ZNF148: variants seen among roughly 807,000 people sequenced by gnomAD.
The protein encoded by ZNF148 is zinc finger protein 148.
Under a neutral mutation model 67.7 loss-of-function variants are expected in ZNF148, and 7 were observed. The observed-to-expected ratio is 0.10, with a 90% confidence interval of 0.06 to 0.19. The LOEUF (loss-of-function observed/expected upper bound fraction) is 0.19, where lower values mean the gene tolerates loss of function less well. Ranked by LOEUF, ZNF148 falls within the 10% of genes least tolerant of loss-of-function variation. The pLI, the probability that ZNF148 is intolerant of heterozygous loss-of-function variation, is 1.00. For synonymous variants in ZNF148, 333 were observed against 330.7 expected, an observed-to-expected ratio of 1.01 and a Z score of -0.08; for missense variants, 583 against 947.1, an observed-to-expected ratio of 0.62 and a Z score of 5.05.
intron 1 of ZNF148, chr3:125,357,079 C>A (rs4679388): frequency 0.33 from 50,641 of 152,104 alleles, 8,636 homozygotes; most frequent in East Asian, 0.45. Flanking sequence ...CTTCGGCGGC[C>A]CCCCCGCTGT....
chr3:125,308,762 C>G (rs944351948), intron 4 of ZNF148, among the ~76,000 whole-genome samples: 6 of 152,066 alleles, frequency 3.9e-5, no homozygotes, highest in Non-Finnish European at 5.9e-5. Flanking sequence ...TACACAAACA[C>G]GTACCAAGAG....
At chr3:125,318,940 GTA>G (rs1454172231) in intron 3 of ZNF148, among the ~76,000 whole-genome samples, 5 of 151,990 alleles carry the variant, frequency 3.3e-5, no homozygotes, top group African/African-American at 1.2e-4. Context: ...GTCTACAGGG[GTA>G]TCTAGGGGGC....
intron 1 of ZNF148, among the ~76,000 whole-genome samples, chr3:125,345,599 C>CAACAA (rs1553713897): frequency 1.1e-4 from 16 of 151,202 alleles, no homozygotes; most frequent in African/African-American, 3.9e-4. Flanking sequence ...ACAACAACAA[C>CAACAA]AAAAAAAGAC....
intron 3 of ZNF148, among the ~76,000 whole-genome samples, chr3:125,319,702 T>A (rs549459221): frequency 1.3e-5 from 2 of 152,222 alleles, no homozygotes; most frequent in East Asian, 3.8e-4. Flanking sequence ...ATTACCTTAC[T>A]TAATATTTAC....
Position 125,229,319 on chromosome 3 carries a change from A to C in ZNF148, c.*3022T>G, listed in dbSNP as rs1935758787. The C allele has an allele frequency of 6.6e-6, 1 of 152,004 alleles. No homozygotes were observed. Among genetic ancestry groups the C allele is most frequent in the Non-Finnish European group, 1.5e-5 (1 of 67,990 alleles). The allele number at this position is 152,004 out of a possible 1,614,324, so 9.4% of individuals were successfully genotyped here. A position where few individuals can be genotyped will look rare whatever the true frequency, so the allele number is the denominator to read the frequency against. On this transcript the variant is annotated 3_prime_UTR_variant, in exon 9 of 9. Coordinates refer to ENST00000360647, the MANE Select transcript of ZNF148 (RefSeq NM_021964.3). ...AAGTGTCTCTCCTCTGTGGAAACGA[A>C]ATCCTGCCCTGAGCACAATTCTTGA...
At chr3:125,292,165 G>C (rs1939052092) in intron 4 of ZNF148, among the ~76,000 whole-genome samples, 1 of 152,178 alleles carries the variant, frequency 6.6e-6, no homozygotes, top group Non-Finnish European at 1.5e-5. Context: ...ACAGGACAGG[G>C]AGGTGAAGCA....
chr3:125,374,522 G>C (rs1942996518), intron 1 of ZNF148, among the ~76,000 whole-genome samples: 1 of 151,814 alleles, frequency 6.6e-6, no homozygotes, highest in South Asian at 2.1e-4. Flanking sequence ...GAATCCTCAA[G>C]ACTCCTCCAC....
At position 125,226,782 on chromosome 3, in the gene ZNF148, T is replaced by C. The variant is rs1935655706; in HGVS notation, c.*5559A>G. 1 of 152,502 alleles carries C rather than the reference T, an allele frequency of 6.6e-6. No individual in the cohort carries two copies. The highest frequency in any genetic ancestry group is 2.4e-5 in the African/African-American group (1 of 41,450). 9.4% of individuals were successfully genotyped at this position (152,502 alleles called of 1,614,324 possible). ...AAACAATTCTATTTGGAGAGCAAAA[T>C]ATTTTAAAATATATCGACTTACCAA... On this transcript the variant is annotated 3_prime_UTR_variant, in exon 9 of 9. Transcript: ENST00000360647.
intron 1 of ZNF148, among the ~76,000 whole-genome samples, chr3:125,368,297 A>G (rs1942762848): frequency 1.3e-5 from 2 of 152,362 alleles, no homozygotes; most frequent in Non-Finnish European, 2.9e-5. Context: ...CCTCTTTAAA[A>G]TAAGTTACTT....
intron 1 of ZNF148, among the ~76,000 whole-genome samples, chr3:125,370,346 C>G (rs999141807): frequency 6.6e-5 from 10 of 152,146 alleles, no homozygotes; most frequent in Admixed American, 6.5e-4. Context: ...TACAATACCC[C>G]CAAAGTACTC....
intron 7 of ZNF148, among the ~76,000 whole-genome samples, chr3:125,236,335 G>A (rs1232306623): frequency 5.3e-5 from 8 of 152,106 alleles, no homozygotes; most frequent in African/African-American, 1.9e-4. Context: ...GAGTGTTGGG[G>A]TTACAGGCAT....
intron 7 of ZNF148, among the ~76,000 whole-genome samples, chr3:125,269,772 C>G (rs1038264608): frequency 6.6e-6 from 1 of 152,120 alleles, no homozygotes; most frequent in African/African-American, 2.4e-5. Context: ...TACTACACAG[C>G]CACAAAAAGA....
intron 1 of ZNF148, among the ~76,000 whole-genome samples, chr3:125,370,529 GA>G (rs1942846270): frequency 6.6e-6 from 1 of 152,134 alleles, no homozygotes; most frequent in Non-Finnish European, 1.5e-5. Flanking sequence ...AAAACAAAGA[GA>G]ATAATTGTCA....
intron 5 of ZNF148, among the ~76,000 whole-genome samples, chr3:125,280,394 C>T (rs2107610701): frequency 6.6e-6 from 1 of 152,056 alleles, no homozygotes; most frequent in Non-Finnish European, 1.5e-5. Flanking sequence ...CATTAAGCTG[C>T]CTTTTGGCCA....
intron 7 of ZNF148, among the ~76,000 whole-genome samples, chr3:125,275,235 G>A (rs192412548): frequency 1.3e-5 from 2 of 152,252 alleles, no homozygotes; most frequent in East Asian, 3.9e-4. Context: ...TCTTTGTTAA[G>A]GAACCCTAGT....
rs200643048 is a variant in ZNF148, at chr3:125,330,465, C to CAAAAAAAAA, written c.-153+684_-153+692dup. Among the ~76,000 whole-genome samples, 764 of 118,284 alleles carry CAAAAAAAAA rather than the reference C, an allele frequency of 6.5e-3. 10 individuals carry two copies. Among genetic ancestry groups the CAAAAAAAAA allele is most frequent in the African/African-American group, 0.029 (709 of 24,102 alleles). 77.6% of individuals were successfully genotyped at this position (118,284 alleles called of 152,430 possible). ...TGGGCAACAGGGCAAAACCCTATCTCAAAAAAAAAAAAAAAAAAAAAAAAA... is the reference window on the plus strand; with the variant it reads ...TGGGCAACAGGGCAAAACCCTATCTCAAAAAAAAAAAAAAAAAAAAAAAAAAAAAAAAAA... On this transcript the variant is annotated intron_variant, in intron 2 of 8. Transcript: ENST00000360647.
intron 5 of ZNF148, among the ~76,000 whole-genome samples, chr3:125,281,866 G>A (rs1204142653): frequency 6.6e-6 from 1 of 152,146 alleles, no homozygotes; most frequent in African/African-American, 2.4e-5. Context: ...AGGACATAGA[G>A]TAAACTCATC....
At chr3:125,257,809 C>T (rs1288290931) in intron 7 of ZNF148, among the ~76,000 whole-genome samples, 4 of 152,100 alleles carry the variant, frequency 2.6e-5, no homozygotes, top group Admixed American at 2.6e-4. Context: ...AAGTATTATA[C>T]TCATTGTTTT....
chr3:125,271,226 T>C (rs1371870346), intron 7 of ZNF148, among the ~76,000 whole-genome samples: 1 of 152,158 alleles, frequency 6.6e-6, no homozygotes, highest in Non-Finnish European at 1.5e-5. Context: ...GGCTAGACAA[T>C]GCAATTCCAA....
Sources: gnomAD v4.1 joint callset for allele counts (sites outside exome capture counted in the v4.1 genomes callset) on GRCh38, gnomAD v4.1.1 for gene constraint, MANE v1.5 for transcripts, NCBI Gene and HGNC (gene_info 2026-07-23, HGNC 2026-07-21) for gene names.